Variants in SHISA6 observed in about 807,000 individuals in gnomAD.
SHISA6 encodes the protein shisa family member 6.
A neutral mutation model predicts 47.9 loss-of-function variants in SHISA6; 22 were observed. The ratio of observed to expected loss-of-function variants is 0.46; its 90% confidence interval spans 0.33 to 0.66. The LOEUF is 0.66. SHISA6 is among the 30% of genes least tolerant of loss of function. SHISA6 has a pLI of 0.02. For synonymous variants in SHISA6, 388 were observed against 337.8 expected (o/e 1.15, Z -1.63); for missense variants, 680 against 764.6 (o/e 0.89, Z 1.30).
intron 2 of SHISA6, among the ~76,000 whole-genome samples, chr17:11,296,569 T>C (rs1377451622): frequency 6.6e-6 from 1 of 152,042 alleles, no homozygotes; most frequent in Non-Finnish European, 1.5e-5. Context: ...AATGAAGACT[T>C]GTGTTTTGGA....
chr17:11,329,417 G>A (rs539712211), intron 2 of SHISA6, among the ~76,000 whole-genome samples: 21 of 152,238 alleles, frequency 1.4e-4, no homozygotes, highest in Admixed American at 2.6e-4. Context: ...CTGTTATCTC[G>A]GAGACTGTCC....
chr17:11,373,568 G>C (rs1454485228), intron 2 of SHISA6, among the ~76,000 whole-genome samples: 1 of 152,014 alleles, frequency 6.6e-6, no homozygotes, highest in East Asian at 1.9e-4. Context: ...CTTTGTATCT[G>C]TATAATACTA....
At chr17:11,536,521 G>T (rs1447428482) in intron 3 of SHISA6, among the ~76,000 whole-genome samples, 1 of 152,212 alleles carries the variant, frequency 6.6e-6, no homozygotes, top group African/African-American at 2.4e-5. Flanking sequence ...GCCTAGATTG[G>T]AGCTTGACAG....
chr17:11,481,691 C>G (rs1458973411), intron 3 of SHISA6, among the ~76,000 whole-genome samples: 1 of 151,878 alleles, frequency 6.6e-6, no homozygotes, highest in Non-Finnish European at 1.5e-5. Context: ...CAGGGTTTCA[C>G]CATGTTGATC....
intron 3 of SHISA6, among the ~76,000 whole-genome samples, chr17:11,482,234 GTTTGT>G (rs1333161584): frequency 6.6e-6 from 1 of 152,198 alleles, no homozygotes; most frequent in East Asian, 1.9e-4. Flanking sequence ...TATTGGTGAT[GTTTGT>G]TTTAATTTCA....
intron 2 of SHISA6, among the ~76,000 whole-genome samples, chr17:11,328,212 A>G (rs1370404904): frequency 6.6e-6 from 1 of 152,226 alleles, no homozygotes; most frequent in African/African-American, 2.4e-5. Flanking sequence ...GACTCGGGCC[A>G]CACACATGAC....
intron 3 of SHISA6, among the ~76,000 whole-genome samples, chr17:11,410,780 A>C (rs536221133): frequency 1.3e-5 from 2 of 152,172 alleles, no homozygotes; most frequent in South Asian, 2.1e-4. Flanking sequence ...TTAGAAATGC[A>C]AATTTTCCAG....
chr17:11,401,456 C>T (rs547157029), intron 3 of SHISA6, among the ~76,000 whole-genome samples: 217 of 152,284 alleles, frequency 1.4e-3, no homozygotes, highest in African/African-American at 4.8e-3. Context: ...GCCTTGGCCT[C>T]CTAAAATGCT....
intron 3 of SHISA6, among the ~76,000 whole-genome samples, chr17:11,443,579 C>T (rs1053544148): frequency 7.2e-5 from 11 of 152,124 alleles, no homozygotes; most frequent in African/African-American, 1.2e-4. Context: ...ACTTTTTGTG[C>T]GTCAGTTTCT....
At chr17:11,470,478 C>G (rs960136690) in intron 3 of SHISA6, among the ~76,000 whole-genome samples, 2 of 152,174 alleles carry the variant, frequency 1.3e-5, no homozygotes, top group Non-Finnish European at 2.9e-5. Flanking sequence ...GAACATCCCC[C>G]ACAACAAGAC....
intron 2 of SHISA6, among the ~76,000 whole-genome samples, chr17:11,294,101 G>A (rs146991569): frequency 1.4e-3 from 213 of 151,952 alleles, no homozygotes; most frequent in African/African-American, 4.8e-3. Context: ...GACCAGGATG[G>A]TCTTGATCTC....
At chr17:11,523,669 C>T (rs768942959) in intron 3 of SHISA6, among the ~76,000 whole-genome samples, 3 of 152,154 alleles carry the variant, frequency 2.0e-5, no homozygotes, top group Non-Finnish European at 2.9e-5. Flanking sequence ...ATACTTCATA[C>T]AGCTATTTAC....
chr17:11,349,910 T>C (rs1911815154), intron 2 of SHISA6, among the ~76,000 whole-genome samples: 1 of 152,180 alleles, frequency 6.6e-6, no homozygotes, highest in Non-Finnish European at 1.5e-5. Flanking sequence ...CTGGGCCTTC[T>C]GTTAATAAAC....
chr17:11,486,162 G>A (rs1295902913), intron 3 of SHISA6, among the ~76,000 whole-genome samples: 1 of 152,206 alleles, frequency 6.6e-6, no homozygotes, highest in Non-Finnish European at 1.5e-5. Flanking sequence ...TTGTGCTGAA[G>A]TGGCTGCCAA....
chr17:11,495,993 T>TCATCTATTTATCCATTCATCCATCCATC (rs2071404578), intron 3 of SHISA6, among the ~76,000 whole-genome samples: 1 of 148,736 alleles, frequency 6.7e-6, no homozygotes, highest in Non-Finnish European at 1.5e-5. Flanking sequence ...ATTTATCCAT[T>TCATCTATTTATCCATTCATCCATCCATC]CATCCATCCA....
At chr17:11,289,589 T>C (rs1439202767) in intron 2 of SHISA6, 1 of 54,596 alleles carries the variant, frequency 1.8e-5, no homozygotes, top group East Asian at 6.6e-4. Flanking sequence ...TATATATATA[T>C]GTATATATAT....
At chr17:11,390,374 C>T (rs1913343438) in intron 3 of SHISA6, among the ~76,000 whole-genome samples, 1 of 152,132 alleles carries the variant, frequency 6.6e-6, no homozygotes, top group Non-Finnish European at 1.5e-5. Flanking sequence ...GCTCTGAGCA[C>T]TCAAGCAATG....
intron 2 of SHISA6, among the ~76,000 whole-genome samples, chr17:11,322,079 T>A (rs1910734826): frequency 1.3e-5 from 2 of 152,206 alleles, no homozygotes; most frequent in South Asian, 4.1e-4. Flanking sequence ...CTTTAATTTA[T>A]CAGTATCTAC....
At chr17:11,392,242 T>C (rs1913409750) in intron 3 of SHISA6, among the ~76,000 whole-genome samples, 1 of 152,118 alleles carries the variant, frequency 6.6e-6, no homozygotes, top group South Asian at 2.1e-4. Context: ...CTAAGAGCAG[T>C]TGAACGCCTG....
Sources: allele counts gnomAD v4.1 joint callset (sites outside exome capture counted in the v4.1 genomes callset), GRCh38; gene constraint gnomAD v4.1.1; transcripts MANE v1.5; gene names NCBI Gene and HGNC (gene_info 2026-07-23, HGNC 2026-07-21).